Variants in COL8A1 observed in about 807,000 individuals in gnomAD.
The protein encoded by COL8A1 is collagen type VIII alpha 1 chain, also known as collagen alpha-1(VIII) chain.
A neutral mutation model predicts 42.7 loss-of-function variants in COL8A1; 21 were observed. That is an observed-to-expected ratio of 0.49 (90% CI 0.35 to 0.71). COL8A1 has a LOEUF of 0.71. COL8A1 is among the 30% of genes least tolerant of loss of function. The pLI is 0.01. For synonymous variants in COL8A1, 367 were observed against 369.1 expected (o/e 0.99, Z 0.06); for missense variants, 788 against 962.4 (o/e 0.82, Z 2.40).
At chr3:99,753,564 A>T (rs188724234) in intron 2 of COL8A1, among the ~76,000 whole-genome samples, 40 of 152,328 alleles carry the variant, frequency 2.6e-4, no homozygotes, top group Admixed American at 2.4e-3. Flanking sequence ...AGTCACATGG[A>T]TCACAATTGC....
chr3:99,642,026 T>C (rs759877066), intron 1 of COL8A1, among the ~76,000 whole-genome samples: 1 of 152,204 alleles, frequency 6.6e-6, no homozygotes, highest in Non-Finnish European at 1.5e-5. Flanking sequence ...AAAGAACCTG[T>C]TCAAAAGTTG....
chr3:99,740,817 G>A (rs1940879445), intron 1 of COL8A1, among the ~76,000 whole-genome samples: 1 of 151,902 alleles, frequency 6.6e-6, no homozygotes, highest in Non-Finnish European at 1.5e-5. Flanking sequence ...ATTAACAAAG[G>A]AAAAATACTG....
intron 2 of COL8A1, among the ~76,000 whole-genome samples, chr3:99,778,231 GACA>G (rs373706494): frequency 1.3e-5 from 2 of 152,102 alleles, no homozygotes; most frequent in African/African-American, 2.4e-5. Flanking sequence ...CATGATTAAA[GACA>G]ACAACAACAA....
intron 1 of COL8A1, among the ~76,000 whole-genome samples, chr3:99,646,637 T>C (rs1325225373): frequency 6.6e-6 from 1 of 152,052 alleles, no homozygotes; most frequent in Non-Finnish European, 1.5e-5. Context: ...TTATACAAAA[T>C]CAGTCAAAAT....
In COL8A1 at chr3:99,796,009, G is replaced by A. The variant is rs1327200518; in HGVS notation, c.2108G>A (p.Ser703Asn). 1.2e-6 allele frequency: 2 copies of A among 1,613,818 alleles called. No homozygotes were observed. The highest frequency in any genetic ancestry group is 1.7e-6 in the Non-Finnish European group (2 of 1,179,976). The change falls in exon 4 of 4, where the codon AGT (serine) becomes AAT (asparagine). Residue 703 changes from serine to asparagine, a missense_variant. Coordinates refer to ENST00000652472, the MANE Select transcript of COL8A1 (RefSeq NM_020351.4). ...KKGFLDQASG[S>N]AVLLLRPGDR... ...GGCTTCCTGGACCAGGCATCTGGGA[G>A]TGCAGTGCTGCTGCTCAGGCCCGGA...
intron 2 of COL8A1, among the ~76,000 whole-genome samples, chr3:99,787,246 A>T (rs987024601): frequency 6.6e-6 from 1 of 152,232 alleles, no homozygotes; most frequent in Non-Finnish European, 1.5e-5. Context: ...ATTACAGGTC[A>T]TATGAGGAAT....
At chr3:99,781,694 C>T (rs964417889) in intron 2 of COL8A1, among the ~76,000 whole-genome samples, 3 of 152,118 alleles carry the variant, frequency 2.0e-5, no homozygotes, top group African/African-American at 4.8e-5. Flanking sequence ...AGTGCATGTA[C>T]TAGCACATGA....
chr3:99,716,649 C>T (rs1308325052), intron 1 of COL8A1, among the ~76,000 whole-genome samples: 1 of 152,000 alleles, frequency 6.6e-6, no homozygotes, highest in Admixed American at 6.6e-5. Context: ...CATGATCCCC[C>T]TCCTCAAAAG....
At chr3:99,647,090 T>C (rs1937669392) in intron 1 of COL8A1, among the ~76,000 whole-genome samples, 3 of 152,232 alleles carry the variant, frequency 2.0e-5, no homozygotes, top group Admixed American at 1.3e-4. Flanking sequence ...ATATTAAACA[T>C]TTTTATTCAC....
chr3:99,745,518 C>A (rs1241696448), intron 2 of COL8A1, among the ~76,000 whole-genome samples: 1 of 152,056 alleles, frequency 6.6e-6, no homozygotes, highest in African/African-American at 2.4e-5. Flanking sequence ...TGTTTTTATA[C>A]CATTATCATA....
chr3:99,787,564 T>G (rs2107453258), intron 2 of COL8A1, among the ~76,000 whole-genome samples: 1 of 152,280 alleles, frequency 6.6e-6, no homozygotes, highest in Non-Finnish European at 1.5e-5. Context: ...TGAATAGTCC[T>G]TTTTGGCTTA....
intron 1 of COL8A1, among the ~76,000 whole-genome samples, chr3:99,692,984 C>A (rs1285362051): frequency 6.6e-6 from 1 of 152,174 alleles, no homozygotes; most frequent in Admixed American, 6.5e-5. Flanking sequence ...CATGGTGAAA[C>A]CTTGTCTCTA....
At chr3:99,640,373 G>T (rs1399949498) in intron 1 of COL8A1, among the ~76,000 whole-genome samples, 1 of 152,122 alleles carries the variant, frequency 6.6e-6, no homozygotes, top group Non-Finnish European at 1.5e-5. Flanking sequence ...GCACATTCAA[G>T]TTAATTCTTC....
intron 1 of COL8A1, among the ~76,000 whole-genome samples, chr3:99,697,764 C>T (rs1411791590): frequency 6.6e-6 from 1 of 152,230 alleles, no homozygotes; most frequent in African/African-American, 2.4e-5. Context: ...CACATTCGAG[C>T]ATTTCTTCTT....
chr3:99,713,097 C>G (rs1939892297), intron 1 of COL8A1, among the ~76,000 whole-genome samples: 1 of 152,080 alleles, frequency 6.6e-6, no homozygotes, highest in African/African-American at 2.4e-5. Context: ...CAGGCCTCTG[C>G]TGTGTGCTTT....
At position 99,757,809 on chromosome 3, in the gene COL8A1, A is replaced by T. The variant is rs535613143; in HGVS notation, c.-4+12788A>T. ...AGAAAGTATTTAATGAGAAAACAGAAGCCTCACATTTTTACAGCATAGAAT... is the reference window on the plus strand; with the variant it reads ...AGAAAGTATTTAATGAGAAAACAGATGCCTCACATTTTTACAGCATAGAAT... On this transcript the variant is annotated intron_variant, in intron 2 of 3. Transcript: ENST00000652472. Among the ~76,000 whole-genome samples, 326 of 152,290 alleles carry T rather than the reference A, an allele frequency of 2.1e-3. 3 individuals are homozygous for T. The highest frequency in any genetic ancestry group is 7.6e-3 in the African/African-American group (315 of 41,578).
At chr3:99,693,834 C>A (rs1939290776) in intron 1 of COL8A1, among the ~76,000 whole-genome samples, 1 of 152,170 alleles carries the variant, frequency 6.6e-6, no homozygotes, top group South Asian at 2.1e-4. Flanking sequence ...ACTCACCACT[C>A]ACTCACTGAC....
intron 3 of COL8A1, among the ~76,000 whole-genome samples, chr3:99,792,581 G>T (rs1942022298): frequency 6.6e-6 from 1 of 152,124 alleles, no homozygotes; most frequent in African/African-American, 2.4e-5. Context: ...CTCTAATCTT[G>T]TAGTGTGGCT....
At chr3:99,779,545 G>C (rs1003464900) in intron 2 of COL8A1, among the ~76,000 whole-genome samples, 1 of 152,166 alleles carries the variant, frequency 6.6e-6, no homozygotes, top group Non-Finnish European at 1.5e-5. Flanking sequence ...ATACAAAGAA[G>C]GCTCCTCAGA....
Sources: gnomAD v4.1 joint callset for allele counts (sites outside exome capture counted in the v4.1 genomes callset) on GRCh38, gnomAD v4.1.1 for gene constraint, MANE v1.5 for transcripts, NCBI Gene and HGNC (gene_info 2026-07-23, HGNC 2026-07-21) for gene names.